PRDM11: variants seen among roughly 807,000 people sequenced by gnomAD.
PRDM11 encodes PR/SET domain 11, also known as PR domain-containing protein 11.
In PRDM11, 20 loss-of-function variants were observed where a neutral mutation model predicts 97.8. The observed-to-expected ratio is 0.20, with a 90% CI of 0.14 to 0.30. The LOEUF (loss-of-function observed/expected upper bound fraction) is 0.30. PRDM11 is among the 10% of genes least tolerant of loss of function. PRDM11 has a pLI of 1.00. For synonymous variants in PRDM11, 599 were observed against 637.7 expected (o/e 0.94, Z 0.91); for missense variants, 1,139 against 1,555.2 (o/e 0.73, Z 4.50).
intron 1 of PRDM11, among the ~76,000 whole-genome samples, chr11:45,155,079 G>A (rs942716733): frequency 6.6e-6 from 1 of 152,238 alleles, no homozygotes; most frequent in African/African-American, 2.4e-5. Flanking sequence ...TCAGAGTTGA[G>A]GGCGAGAGTG....
chr11:45,134,505 C>T (rs922788316), intron 1 of PRDM11, among the ~76,000 whole-genome samples: 2 of 151,808 alleles, frequency 1.3e-5, no homozygotes, highest in Non-Finnish European at 2.9e-5. Context: ...TTGAGACCAG[C>T]CTGGGCAACA....
chr11:45,194,315 T>C (rs1853023020), intron 4 of PRDM11, among the ~76,000 whole-genome samples: 1 of 152,168 alleles, frequency 6.6e-6, no homozygotes. Context: ...AGACCCTAGT[T>C]TGAGAGACAC....
Position 45,226,463 on chromosome 11 carries a change from C to T in PRDM11, c.1838C>T (p.Ala613Val), listed in dbSNP as rs1384896682. 9.8e-6 allele frequency: 15 copies of T among 1,533,878 alleles called. No individual in the cohort carries two copies. The highest frequency in any genetic ancestry group is 5.9e-5 in the Admixed American group (3 of 50,978). The change falls in exon 8 of 8, where the codon GCG (alanine) becomes GTG (valine). Residue 613 changes from alanine (A) to valine (V), a missense_variant. By Grantham distance (64) the Ala-to-Val change is moderately conservative. This residue lies in a region of PRDM11 where 710 missense variants were observed against 1,044.9 expected (regional missense o/e 0.68). Transcript: ENST00000683152. ...CCCTACCTGGACTTCCGGCCCCTGG[C>T]GGAGCTGCTGAGGAAGTGTGAGCTC... is the stretch of plus-strand genomic sequence containing the variant. Reference protein sequence around the residue: ...GRPYLDFRPLAELLRKCELKV... With the variant: ...GRPYLDFRPLVELLRKCELKV...
chr11:45,095,756 T>C, upstream of PRDM11: 1 of 702,970 alleles, frequency 1.4e-6, no homozygotes, highest in Non-Finnish European at 2.6e-6. Context: ...TGGCCGCAGA[T>C]ACGATGGCTA....
chr11:45,198,073 A>G (rs1853194734), intron 4 of PRDM11, among the ~76,000 whole-genome samples: 1 of 152,230 alleles, frequency 6.6e-6, no homozygotes, highest in South Asian at 2.1e-4. Context: ...TCATTTCCTT[A>G]TCAGTTAAAT....
At chr11:45,108,744 T>C (rs995798725) in intron 1 of PRDM11, among the ~76,000 whole-genome samples, 1 of 152,148 alleles carries the variant, frequency 6.6e-6, no homozygotes, top group African/African-American at 2.4e-5. Context: ...TGCCTGTAGC[T>C]ATGTGGGGAC....
At chr11:45,166,100 C>A (rs534410720) in intron 1 of PRDM11, among the ~76,000 whole-genome samples, 1 of 152,188 alleles carries the variant, frequency 6.6e-6, no homozygotes, top group South Asian at 2.1e-4. Flanking sequence ...TCAAGTCAAA[C>A]AAGAGTAGTC....
intron 4 of PRDM11, among the ~76,000 whole-genome samples, chr11:45,202,680 A>G (rs1242183518): frequency 2.0e-5 from 3 of 152,186 alleles, no homozygotes; most frequent in Non-Finnish European, 4.4e-5. Context: ...GAGGAAAGGA[A>G]AGAGAAGAAG....
In PRDM11 at chr11:45,224,638, C is replaced by T; in HGVS notation, c.1164C>T (p.Phe388=). The change falls in exon 7 of 8, where the codon TTC becomes TTT. Residue 388 remains phenylalanine, a synonymous_variant. Transcript: ENST00000683152. The stretch of plus-strand genomic sequence containing the variant: ...ATGAAGAAGAGGAGCCTTCATCATT[C>T]AAGGCCGACAGTCCTGCCGAGGCCT... The part of the protein sequence containing the change: ...LEDEEEEPSS[F]KADSPAEASL... The T allele has an allele frequency of 6.2e-7, 1 of 1,614,192 alleles. No homozygotes were observed. The highest frequency in any genetic ancestry group is 1.1e-5 in the South Asian group (1 of 91,086).
At chr11:45,215,193 T>C (rs1853921255) in intron 5 of PRDM11, among the ~76,000 whole-genome samples, 1 of 152,166 alleles carries the variant, frequency 6.6e-6, no homozygotes, top group Non-Finnish European at 1.5e-5. Context: ...CTGGCAAGGC[T>C]CTGCCCACCT....
At chr11:45,213,188 C>A (rs567416386) in intron 5 of PRDM11, 1 of 456,660 alleles carries the variant, frequency 2.2e-6, no homozygotes, top group Middle Eastern at 3.3e-4. Flanking sequence ...GAGCGCAGGT[C>A]GCTGCCCTGT....
chr11:45,197,562 C>A (rs1484333729), intron 4 of PRDM11, among the ~76,000 whole-genome samples: 2 of 152,084 alleles, frequency 1.3e-5, no homozygotes, highest in Non-Finnish European at 2.9e-5. Flanking sequence ...ATGTTTATAT[C>A]ATAGTTTGTG....
intron 1 of PRDM11, among the ~76,000 whole-genome samples, chr11:45,132,480 G>C (rs1344747765): frequency 6.6e-6 from 1 of 152,146 alleles, no homozygotes; most frequent in Non-Finnish European, 1.5e-5. Context: ...TAATAAAAAA[G>C]TCTTAAATGT....
rs1375533320 is a variant in PRDM11 at position 45,124,064 on chromosome 11, C to T, written c.96+28163C>T. Among the ~76,000 whole-genome samples, 190 of 148,266 alleles carry T rather than the reference C, an allele frequency of 1.3e-3. 1 individual carries two copies. Among genetic ancestry groups the T allele is most frequent in the African/African-American group, 4.5e-3 (183 of 40,392 alleles). Reference sequence around the variant, plus strand: ...TCTCCTTGAAGAGGTCCTTCACATCCCTTGTAAGTTGGATTCCTAGGTATT... The same window carrying T: ...TCTCCTTGAAGAGGTCCTTCACATCTCTTGTAAGTTGGATTCCTAGGTATT... On this transcript the variant is annotated intron_variant, in intron 1 of 6. Coordinates refer to the PRDM11 transcript ENST00000530656.
chr11:45,156,037 A>G (rs964338987), intron 1 of PRDM11, among the ~76,000 whole-genome samples: 2 of 152,220 alleles, frequency 1.3e-5, no homozygotes, highest in Non-Finnish European at 2.9e-5. Flanking sequence ...ATATGAACCT[A>G]GGTCTGTCTG....
At chr11:45,157,235 G>T (rs1175149445) in intron 1 of PRDM11, among the ~76,000 whole-genome samples, 2 of 152,144 alleles carry the variant, frequency 1.3e-5, no homozygotes, top group Non-Finnish European at 2.9e-5. Context: ...CCATGGACGG[G>T]GTCGGGGAGG....
At chr11:45,122,972 G>A (rs1458316276) in intron 1 of PRDM11, among the ~76,000 whole-genome samples, 1 of 152,110 alleles carries the variant, frequency 6.6e-6, no homozygotes. Flanking sequence ...GTGTAAAAGT[G>A]TTCCTATTTC....
intron 1 of PRDM11, among the ~76,000 whole-genome samples, chr11:45,099,279 G>A (rs7935386): frequency 3.3e-5 from 5 of 151,574 alleles, no homozygotes; most frequent in Non-Finnish European, 7.4e-5. Flanking sequence ...ACAGTGAAAC[G>A]CTGTCTCTAC....
intron 1 of PRDM11, among the ~76,000 whole-genome samples, chr11:45,162,979 T>C (rs984314197): frequency 2.0e-5 from 3 of 152,224 alleles, no homozygotes; most frequent in South Asian, 4.1e-4. Context: ...TATTTGGAAG[T>C]GCTGAGCTCA....
Sources: allele counts gnomAD v4.1 joint callset (sites outside exome capture counted in the v4.1 genomes callset), GRCh38; gene constraint gnomAD v4.1.1; regional missense constraint gnomAD v4.1.1; transcripts MANE v1.5; gene names NCBI Gene and HGNC (gene_info 2026-07-23, HGNC 2026-07-21).